The following SFI1 variants were observed in gnomAD, a reference collection of about 807,000 sequenced individuals.
SFI1 encodes the protein protein SFI1 homolog.
Under a neutral mutation model 207.5 loss-of-function variants are expected in SFI1, and 195 were observed. That is an observed-to-expected ratio of 0.94 (90% CI 0.84 to 1.06). The LOEUF is 1.06. SFI1 is among the 50% of genes least tolerant of loss of function. The pLI, the probability that SFI1 is intolerant of heterozygous loss-of-function variation, is 0.00. For synonymous variants in SFI1, 630 were observed against 598.9 expected, an observed-to-expected ratio of 1.05 and a Z score of -0.76; for missense variants, 1,634 against 1,588.0, an observed-to-expected ratio of 1.03 and a Z score of -0.49.
At chr22:31,591,095 T>C (rs5753712) in intron 15 of SFI1, among the ~76,000 whole-genome samples, 151,001 of 151,738 alleles carry the variant, frequency 1, 75,137 homozygotes, top group Middle Eastern at 1. Flanking sequence ...TCTGGTTTTC[T>C]TAGGCAGAGG....
chr22:31,604,332 G>C lies in SFI1; in HGVS notation c.1905G>C (p.Glu635Asp). The change falls in exon 19 of 33, where the codon GAG becomes GAC. Residue 635 changes from glutamate to aspartate, a missense_variant. Physicochemically the swap from Glu to Asp is conservative, Grantham distance 45. Transcript: ENST00000400288. The stretch of plus-strand genomic sequence containing the variant: ...AGTGCCTGGCCCTGCGGGGAGCGGA[G>C]CGGCAGAAGCTGATGCGAGCAGACC... Reference protein sequence around the residue: ...WRECLALRGAERQKLMRADLH... With the variant: ...WRECLALRGADRQKLMRADLH... 6.3e-7 allele frequency: 1 copy of C among 1,579,758 alleles called. No homozygotes were observed. The highest frequency in any genetic ancestry group is 8.6e-7 in the Non-Finnish European group (1 of 1,164,860).
intron 5 of SFI1, among the ~76,000 whole-genome samples, chr22:31,548,079 G>T (rs1352240277): frequency 6.6e-6 from 1 of 151,798 alleles, no homozygotes; most frequent in South Asian, 2.1e-4. Flanking sequence ...AATTGGCTAG[G>T]CGTGGTGGCA....
chr22:31,549,672 C>G (rs2147980373), intron 5 of SFI1, among the ~76,000 whole-genome samples: 1 of 152,066 alleles, frequency 6.6e-6, no homozygotes, highest in Admixed American at 6.6e-5. Flanking sequence ...GCCCAAACAT[C>G]ATGAATTTGT....
chr22:31,593,199 T>C (rs1222153634), intron 15 of SFI1, among the ~76,000 whole-genome samples: 7,101 of 127,054 alleles, frequency 0.056, 166 homozygotes, highest in Middle Eastern at 0.066. Context: ...ACCTCCCAGA[T>C]GGGGCGGCTG....
intron 4 of SFI1, among the ~76,000 whole-genome samples, chr22:31,543,546 A>G (rs1039366867): frequency 3.3e-5 from 5 of 152,192 alleles, no homozygotes; most frequent in Admixed American, 2.6e-4. Context: ...ATGGTGGCTC[A>G]TGCCTATAAT....
intron 17 of SFI1, among the ~76,000 whole-genome samples, chr22:31,603,104 A>T (rs937272224): frequency 2.0e-5 from 3 of 152,210 alleles, no homozygotes; most frequent in Non-Finnish European, 4.4e-5. Flanking sequence ...TGGTGGCGCA[A>T]GCATGTAATC....
intron 22 of SFI1, 111 bp from the exon 23 acceptor site, chr22:31,611,032 C>A: frequency 1.4e-6 from 2 of 1,414,700 alleles, no homozygotes; most frequent in Non-Finnish European, 9.9e-7. Flanking sequence ...GTGGGCTGGA[C>A]ACCTGAACTC....
At chr22:31,553,520 A>G (rs1254586977) in intron 6 of SFI1, among the ~76,000 whole-genome samples, 1 of 138,192 alleles carries the variant, frequency 7.2e-6, no homozygotes, top group African/African-American at 2.8e-5. Flanking sequence ...ATGCCCAGCT[A>G]ATTTTTGTAT....
At chr22:31,543,360 CTTCA>C (rs1343218259) in intron 4 of SFI1, among the ~76,000 whole-genome samples, 2 of 152,152 alleles carry the variant, frequency 1.3e-5, no homozygotes, top group Non-Finnish European at 2.9e-5. Context: ...CTTAGCTCTG[CTTCA>C]TTCATAGAAA....
At chr22:31,513,426 C>T (rs992010318) in intron 2 of SFI1, among the ~76,000 whole-genome samples, 2 of 152,126 alleles carry the variant, frequency 1.3e-5, no homozygotes, top group Non-Finnish European at 1.5e-5. Flanking sequence ...GCTCAGACTA[C>T]AGGCGTTAGA....
intron 15 of SFI1, among the ~76,000 whole-genome samples, chr22:31,598,715 CCTTTTT>C: frequency 4.8e-4 from 1 of 2,104 alleles, no homozygotes; most frequent in South Asian, 0.014. Flanking sequence ...CTGCGCCTGG[CCTTTTT>C]TTTTTTTTTT....
chr22:31,583,936 T>C lies in SFI1; in HGVS notation c.1310T>C (p.Leu437Pro), dbSNP rs754244685. The change falls in exon 13 of 33, where the codon CTG (leucine) becomes CCG (proline). Residue 437 changes from leucine to proline, a missense_variant. Coordinates refer to ENST00000400288, the MANE Select transcript of SFI1 (RefSeq NM_001007467.3). Reference protein sequence around the residue: ...SQIEQKKERELLPLLHAAWDH... With the variant: ...SQIEQKKEREPLPLLHAAWDH... ...ATTGAGCAGAAAAAGGAAAGAGAGC[T>C]GCTCCCCTTACTGCATGCTGCCTGG... The C allele has an allele frequency of 2.5e-6, 4 of 1,614,088 alleles. No homozygotes were observed. The highest frequency in any genetic ancestry group is 1.7e-5 in the Admixed American group (1 of 59,990).
At chr22:31,566,118 C>CTTT (rs1323827624) in intron 8 of SFI1, among the ~76,000 whole-genome samples, 15 of 142,808 alleles carry the variant, frequency 1.1e-4, no homozygotes, top group African/African-American at 3.2e-4. Context: ...CATTCTTTTT[C>CTTT]TATTTTTTTT....
At chr22:31,593,329 G>A (rs1408402264) in intron 15 of SFI1, among the ~76,000 whole-genome samples, 1 of 138,198 alleles carries the variant, frequency 7.2e-6, no homozygotes, top group African/African-American at 2.7e-5. Flanking sequence ...GGTCTCGGCC[G>A]GGCAGAGGCG....
chr22:31,537,851 T>G (rs952554765), intron 4 of SFI1, among the ~76,000 whole-genome samples: 3 of 152,212 alleles, frequency 2.0e-5, no homozygotes, highest in African/African-American at 7.2e-5. Flanking sequence ...GTTTTTAGGC[T>G]TTTTCCATAC....
At chr22:31,528,942 T>G in intron 3 of SFI1, 79 bp downstream of exon 3, 1 of 1,405,656 alleles carries the variant, frequency 7.1e-7, no homozygotes, top group Non-Finnish European at 9.8e-7. Context: ...GGAATGATTC[T>G]TATTCTTCCA....
At chr22:31,602,425 G>A (rs1268223877) in intron 16 of SFI1, 132 bp downstream of exon 16, 3 of 1,153,050 alleles carry the variant, frequency 2.6e-6, no homozygotes, top group African/African-American at 3.0e-5. Context: ...GTTGAGGCAG[G>A]GCAGGCTCTG....
rs1488560951 is a variant in SFI1 at position 31,616,880 on chromosome 22, G to A, written c.3433+3G>A. 1.2e-6 allele frequency: 2 copies of A among 1,609,786 alleles called. No individual in the cohort carries two copies. Reference sequence around the variant, plus strand: ...TGGGCCTGGACTTTCAACTGCAGGTGTGTACCTGGGGCCTGTCAGGGCAGA... The same window carrying A: ...TGGGCCTGGACTTTCAACTGCAGGTATGTACCTGGGGCCTGTCAGGGCAGA... On this transcript the variant is annotated splice_donor_region_variant and intron_variant, in intron 30 of 32. Transcript: ENST00000400288.
chr22:31,511,638 A>G (rs2055572113), intron 2 of SFI1, among the ~76,000 whole-genome samples: 1 of 151,702 alleles, frequency 6.6e-6, no homozygotes, highest in African/African-American at 2.4e-5. Context: ...TAAGAAGGGA[A>G]TGTATTTCCT....
Sources: gnomAD v4.1 joint callset for allele counts (sites outside exome capture counted in the v4.1 genomes callset) on GRCh38, gnomAD v4.1.1 for gene constraint, MANE v1.5 for transcripts, NCBI Gene and HGNC (gene_info 2026-07-23, HGNC 2026-07-21) for gene names.